MBD1: variants seen among roughly 807,000 people sequenced by gnomAD.
MBD1 encodes methyl-CpG binding domain protein 1, also known as methyl-CpG-binding domain protein 1.
A neutral mutation model predicts 82.6 loss-of-function variants in MBD1; 25 were observed. The ratio of observed to expected loss-of-function variants is 0.30; its 90% CI spans 0.22 to 0.42. MBD1 has a LOEUF of 0.42. Among genes scored for constraint, MBD1 ranks in the 10% least tolerant of loss-of-function variants. The pLI is 1.00. For missense variants in MBD1, 627 were observed against 819.6 expected, an observed-to-expected ratio of 0.76 and a Z score of 2.87; for synonymous variants, 301 against 303.7, an observed-to-expected ratio of 0.99 and a Z score of 0.09.
chr18:50,276,600 C>T (rs531460890), intron 5 of MBD1, 62 bp downstream of exon 5: 9 of 1,573,166 alleles, frequency 5.7e-6, no homozygotes, highest in Admixed American at 3.4e-5. Context: ...CCCAGCCTAG[C>T]ATGACACTGG....
At position 50,269,392 on chromosome 18, in the gene MBD1, C is replaced by T. The variant is rs1202471352; in HGVS notation, c.*459G>A. On this transcript the variant is annotated 3_prime_UTR_variant, in exon 17 of 17. Coordinates refer to ENST00000269468, the MANE Select transcript of MBD1 (RefSeq NM_015846.4). ...AACTCTCTTCCAGTAAGATGGGCCA[C>T]AAGAGACATTTTGCTTGATAACCGG... The T allele has an allele frequency of 8.5e-7, 1 of 1,169,846 alleles. No homozygotes were observed. The highest frequency in any genetic ancestry group is 1.5e-5 in the African/African-American group (1 of 64,530). The allele number at this position is 1,169,846 out of a possible 1,614,324, so 72.5% of individuals were successfully genotyped here.
chr18:50,271,172 G>T, intron 16 of MBD1: 2 of 1,237,058 alleles, frequency 1.6e-6, no homozygotes, highest in Non-Finnish European at 2.0e-6. Flanking sequence ...TGTTTAGGTT[G>T]TTTTGTGGTG....
intron 2 of MBD1, among the ~76,000 whole-genome samples, chr18:50,277,519 T>C (rs1420082621): frequency 6.6e-6 from 1 of 151,592 alleles, no homozygotes; most frequent in Non-Finnish European, 1.5e-5. Context: ...ATTTGTGTTA[T>C]ATATATATAA....
intron 11 of MBD1, 49 bp downstream of exon 11, chr18:50,274,137 C>T (rs765478057): frequency 5.0e-6 from 8 of 1,608,960 alleles, no homozygotes; most frequent in Middle Eastern, 1.9e-4. Flanking sequence ...GGCACTGGGG[C>T]GCCTGGCCCA....
chr18:50,275,443 T>A (rs990656997), intron 8 of MBD1, 157 bp downstream of exon 8: 1 of 1,600,096 alleles, frequency 6.2e-7, no homozygotes, highest in Non-Finnish European at 8.5e-7. Context: ...GTGAGCAAGG[T>A]GCTGGCAGAC....
chr18:50,274,169 C>T lies in MBD1; in HGVS notation c.1146+17G>A. On this transcript the variant is annotated intron_variant, in intron 11 of 16. Transcript: ENST00000269468. Reference sequence around the variant, plus strand: ...CCCAACCTATCCCGTCCACCTGACCCTTCCTGCCCCACCCACCATGGCAAA... The same window carrying T: ...CCCAACCTATCCCGTCCACCTGACCTTTCCTGCCCCACCCACCATGGCAAA... 1.2e-6 allele frequency: 2 copies of T among 1,613,544 alleles called. No individual in the cohort carries two copies. Among genetic ancestry groups the T allele is most frequent in the Non-Finnish European group, 1.7e-6 (2 of 1,180,028 alleles).
At chr18:50,273,941 G>A in intron 11 of MBD1, 78 bp from the exon 12 acceptor site, 3 of 1,547,582 alleles carry the variant, frequency 1.9e-6, no homozygotes, top group Non-Finnish European at 2.7e-6. Context: ...CCACATGCCT[G>A]CTAATCTCCC....
rs1178318200 is a variant in MBD1, at chr18:50,274,966, G to A, written c.978+11C>T. 1 of 1,610,080 alleles carries A rather than the reference G, an allele frequency of 6.2e-7. No homozygotes were observed. The highest frequency in any genetic ancestry group is 8.5e-7 in the Non-Finnish European group (1 of 1,178,264). On this transcript the variant is annotated intron_variant, in intron 10 of 16. Coordinates refer to ENST00000269468, the MANE Select transcript of MBD1 (RefSeq NM_015846.4). ...ATTCTAGGCTTATCCAGGTAGGGTG[G>A]GGCCACTCACTAGCTCGTCCTCGTC...
chr18:50,275,406 A>G (rs2037402746), intron 8 of MBD1, 161 bp from the exon 9 acceptor site: 3 of 1,607,166 alleles, frequency 1.9e-6, no homozygotes, highest in Middle Eastern at 1.6e-4. Flanking sequence ...TGCGTCGCTG[A>G]CATCTCTGAT....
In MBD1 at chr18:50,275,889, T is replaced by G. The variant is rs762967690; in HGVS notation, c.609A>C (p.Ala203=). 3.1e-6 allele frequency: 5 copies of G among 1,614,190 alleles called. No individual in the cohort carries two copies. The highest frequency in any genetic ancestry group is 4.2e-6 in the Non-Finnish European group (5 of 1,180,018). The change falls in exon 7 of 17, where the codon GCA becomes GCC. Residue 203 remains alanine (A), a synonymous_variant. Transcript: ENST00000269468. ...TCLLQLPHDV[A]SGLFCKCERR... is the part of the protein sequence containing the mutation. ...GTTCACACTTGCAGAACAGCCCCGA[T>G]GCCACATCATGGGGCAGCTGCAGGA... is the stretch of plus-strand genomic sequence containing the variant.
At chr18:50,274,052 A>C (rs933242465) in intron 11 of MBD1, 134 bp downstream of exon 11, 4 of 1,398,820 alleles carry the variant, frequency 2.9e-6, no homozygotes, top group Non-Finnish European at 3.0e-6. Flanking sequence ...CATTAAGCCA[A>C]GAACAATGTC....
chr18:50,272,865 A>G lies in MBD1; in HGVS notation c.1675T>C (p.Leu559=), dbSNP rs754346566. The G allele has an allele frequency of 2.2e-5, 36 of 1,614,030 alleles. No homozygotes were observed. Among genetic ancestry groups the G allele is most frequent in the Non-Finnish European group, 2.9e-5 (34 of 1,180,032 alleles). ...CCTCCTGCCTCTTCCTCTGGGGCCA[A>G]TTTGGAGGCAGAATCATCCTTGTTC... ...EENKDDSASK[L]APEEEAGGAG... The change falls in exon 14 of 17, where the codon TTG becomes CTG. Residue 559 remains leucine (L), a synonymous_variant. Transcript: ENST00000269468.
chr18:50,278,606 A>G (rs999198), intron 2 of MBD1, among the ~76,000 whole-genome samples: 53,192 of 152,158 alleles, frequency 0.35, 9,603 homozygotes, highest in Non-Finnish European at 0.39. Context: ...CTGGAAAGAT[A>G]GCAACTTAGA....
chr18:50,276,180 T>A (rs1483633065), intron 6 of MBD1, 198 bp downstream of exon 6: 9 of 819,338 alleles, frequency 1.1e-5, no homozygotes, highest in Non-Finnish European at 1.8e-5. Context: ...ACTTCATCAC[T>A]GTGTCTACTG....
At position 50,273,612 on chromosome 18, in the gene MBD1, A is replaced by T. The variant is rs1398920953; in HGVS notation, c.1398T>A (p.Pro466=). The change falls in exon 12 of 17, where the codon CCT becomes CCA. Residue 466 remains proline (P), a synonymous_variant. Coordinates refer to ENST00000269468, the MANE Select transcript of MBD1 (RefSeq NM_015846.4). ...CTGCAACAGGGCCCGGCACCTGCAC[A>T]GGACTGCTTGCGCCTTCCCGTAAAA... The part of the protein sequence containing the change: ...LVFLREGASS[P]VQVPGPVAAS... 1 of 1,613,288 alleles carries T rather than the reference A, an allele frequency of 6.2e-7. No individual in the cohort carries two copies. Among genetic ancestry groups the T allele is most frequent in the Admixed American group, 1.7e-5 (1 of 60,012 alleles).
chr18:50,276,527 C>T, intron 5 of MBD1, 109 bp from the exon 6 acceptor site: 1 of 1,434,392 alleles, frequency 7.0e-7, no homozygotes, highest in Non-Finnish European at 9.8e-7. Context: ...CCTATGCCTG[C>T]TATCTCCAAT....
intron 16 of MBD1, 96 bp from the exon 17 acceptor site, chr18:50,269,914 C>T: frequency 8.2e-7 from 1 of 1,216,544 alleles, no homozygotes; most frequent in Non-Finnish European, 1.2e-6. Context: ...TATAATAAAT[C>T]CCTTAAAATA....
chr18:50,276,539 T>A, intron 5 of MBD1, 121 bp from the exon 6 acceptor site: 2 of 1,432,616 alleles, frequency 1.4e-6, no homozygotes, highest in Non-Finnish European at 2.0e-6. Flanking sequence ...ATCTCCAATA[T>A]CCAACCTCCA....
At chr18:50,277,356 T>C (rs1236230639) in intron 2 of MBD1, 152 bp from the exon 3 acceptor site, 2 of 683,248 alleles carry the variant, frequency 2.9e-6, no homozygotes, top group East Asian at 5.4e-5. Flanking sequence ...CTTGAAAACA[T>C]AAAAAAATTA....
Sources: allele counts gnomAD v4.1 joint callset (sites outside exome capture counted in the v4.1 genomes callset), GRCh38; gene constraint gnomAD v4.1.1; transcripts MANE v1.5; gene names NCBI Gene and HGNC (gene_info 2026-07-23, HGNC 2026-07-21).